Variants in CTSB observed in about 807,000 individuals in gnomAD.
CTSB encodes APP secretase.
CTSB carries 57 observed loss-of-function variants against 44.3 expected under a neutral mutation model. That is an observed-to-expected ratio of 1.29 (90% CI 1.04 to 1.60). The LOEUF (loss-of-function observed/expected upper bound fraction) is 1.60, where lower values mean the gene tolerates loss of function less well. Among genes scored for constraint, CTSB ranks in the 40% most tolerant of loss-of-function variants. The probability of loss-of-function intolerance (pLI) is 0.00; values close to 1 mark genes in which losing one functional copy is unlikely to be tolerated. For synonymous variants in CTSB, 320 were observed against 168.0 expected (o/e 1.91, Z -7.00); for missense variants, 768 against 443.0 (o/e 1.73, Z -6.59).
Position 11,850,873 on chromosome 8 carries a change from G to C in CTSB, c.320C>G (p.Ser107Cys), listed in dbSNP as rs1814461306. The C allele has an allele frequency of 4.3e-6, 7 of 1,611,750 alleles. No homozygotes were observed. Among genetic ancestry groups the C allele is most frequent in the Non-Finnish European group, 5.9e-6 (7 of 1,178,492 alleles). The change falls in exon 4 of 10, where the codon TCC (serine) becomes TGC (cysteine). Residue 107 changes from serine to cysteine, a missense_variant. By Grantham distance (112) the Ser-to-Cys change is moderately radical (BLOSUM62 -1). Transcript: ENST00000353047. ...KEIRDQGSCG[S>C]CWAFGAVEAI... ...CAGCCAGCAGGGCCTTACCCAGCAG[G>C]AGCCACAGGAGCCCTGGTCTCTGAT...
intron 1 of CTSB, among the ~76,000 whole-genome samples, chr8:11,866,959 A>C (rs1281983097): frequency 6.6e-6 from 1 of 152,186 alleles, no homozygotes; most frequent in Admixed American, 6.5e-5. Flanking sequence ...ATGTTTTTCC[A>C]GGCTACAAAA....
intron 1 of CTSB, among the ~76,000 whole-genome samples, chr8:11,859,169 T>A (rs1422722527): frequency 6.6e-6 from 1 of 152,008 alleles, no homozygotes; most frequent in Non-Finnish European, 1.5e-5. Flanking sequence ...TCATATCCTC[T>A]CTCTCCAAAC....
At chr8:11,864,725 G>A (rs556646626) in intron 1 of CTSB, among the ~76,000 whole-genome samples, 2 of 152,152 alleles carry the variant, frequency 1.3e-5, no homozygotes, top group Non-Finnish European at 2.9e-5. Flanking sequence ...GGGAGGCGAG[G>A]CGGGCAGATC....
At chr8:11,857,011 C>T (rs2150426451) in intron 1 of CTSB, among the ~76,000 whole-genome samples, 1 of 152,170 alleles carries the variant, frequency 6.6e-6, no homozygotes, top group Middle Eastern at 3.4e-3. Flanking sequence ...TCTTCCTTCC[C>T]ACCAATGAGG....
chr8:11,866,016 CAAAA>C (rs796618698), intron 1 of CTSB, among the ~76,000 whole-genome samples: 5 of 81,416 alleles, frequency 6.1e-5, no homozygotes, highest in Middle Eastern at 7.4e-3. Context: ...GAGTGTGTCT[CAAAA>C]AAAAAAAAAA....
At chr8:11,865,852 CA>C (rs371697545) in intron 1 of CTSB, among the ~76,000 whole-genome samples, 855 of 84,206 alleles carry the variant, frequency 0.01, 9 homozygotes, top group African/African-American at 0.031. Context: ...ACTAAAAATA[CA>C]AAAAAAAAAA....
intron 8 of CTSB, 89 bp from the exon 9 acceptor site, chr8:11,845,878 G>C: frequency 2.1e-6 from 3 of 1,443,460 alleles, no homozygotes; most frequent in Admixed American, 2.4e-5. Context: ...CATGCTCCGG[G>C]AAGGAGAAAC....
intron 1 of CTSB, among the ~76,000 whole-genome samples, chr8:11,854,342 G>C (rs1001549232): frequency 1.3e-5 from 2 of 152,210 alleles, no homozygotes; most frequent in Non-Finnish European, 2.9e-5. Flanking sequence ...CGTCATGAAA[G>C]TCACAGGACT....
At chr8:11,866,797 T>G (rs1817216056) in intron 1 of CTSB, among the ~76,000 whole-genome samples, 1 of 152,062 alleles carries the variant, frequency 6.6e-6, no homozygotes, top group Non-Finnish European at 1.5e-5. Context: ...GAGGCGGAAG[T>G]TGTAGTGAGC....
rs1017574142 is a variant in CTSB at position 11,847,788 on chromosome 8, G to C, written c.567C>G (p.His189Gln). Residue 189 changes from histidine (H) to glutamine (Q), a missense_variant, in exon 7 of 10, where the codon CAC becomes CAG. Physicochemically the swap from His to Gln is conservative, Grantham distance 24. Coordinates refer to ENST00000353047, the MANE Select transcript of CTSB (RefSeq NM_001908.5). ...CRPYSIPPCE[H>Q]HVNGSRPPCT... is the part of the protein sequence containing the mutation. ...ATGGGGGCCGGGAGCCGTTGACGTGGTGCTCACAGGGAGGGATGGAGTACG... is the reference window on the plus strand; with the variant it reads ...ATGGGGGCCGGGAGCCGTTGACGTGCTGCTCACAGGGAGGGATGGAGTACG... 1.3e-6 allele frequency: 2 copies of C among 1,599,134 alleles called. No homozygotes were observed. Among genetic ancestry groups the C allele is most frequent in the Non-Finnish European group, 8.5e-7 (1 of 1,175,906 alleles).
chr8:11,867,843 A>T (rs564178612), intron 1 of CTSB, 158 bp downstream of exon 1: 1 of 144,084 alleles, frequency 6.9e-6, no homozygotes, highest in South Asian at 2.5e-4. Flanking sequence ...CGTCAGGGAC[A>T]GTCCCGAGGG....
intron 4 of CTSB, among the ~76,000 whole-genome samples, chr8:11,850,228 G>A (rs1814292898): frequency 6.6e-6 from 1 of 152,048 alleles, no homozygotes; most frequent in African/African-American, 2.4e-5. Context: ...AGACCAGGCT[G>A]TCCAACATGG....
At position 11,844,703 on chromosome 8, in the gene CTSB, T is replaced by C. The variant is rs1812906187; in HGVS notation, c.*422A>G. 1 of 167,800 alleles carries C rather than the reference T, an allele frequency of 6.0e-6. No homozygotes were observed. Among genetic ancestry groups the C allele is most frequent in the Non-Finnish European group, 1.3e-5 (1 of 77,444 alleles). The allele number at this position is 167,800 out of a possible 1,614,324, so 10.4% of individuals were successfully genotyped here. On this transcript the variant is annotated 3_prime_UTR_variant, in exon 10 of 10. Transcript: ENST00000353047. ...AAAGGGCTCCCAACACCGTCTCTCC[T>C]CTGATTTCTGTGACAAATGTGGAAA... is the stretch of plus-strand genomic sequence containing the variant.
intron 4 of CTSB, chr8:11,849,858 G>A: frequency 6.6e-6 from 1 of 152,180 alleles, no homozygotes; most frequent in East Asian, 1.9e-4. Context: ...TGAGATTACA[G>A]GCGTGAGCTA....
At position 11,846,063 on chromosome 8, in the gene CTSB, C is replaced by G. The variant is rs1055767984; in HGVS notation, c.794-274G>C. 3 of 278,194 alleles carry G rather than the reference C, an allele frequency of 1.1e-5. No homozygotes were observed. The Admixed American group carries it at 1.6e-4, about 15-fold the overall frequency. The allele number at this position is 278,194 out of a possible 1,614,324, so 17.2% of individuals were successfully genotyped here. Reference sequence around the variant, plus strand: ...TTAAAAATAGAATTTCTAATACATTCTAATTGATAAAACATTTAATGCTAG... The same window carrying G: ...TTAAAAATAGAATTTCTAATACATTGTAATTGATAAAACATTTAATGCTAG... On this transcript the variant is annotated intron_variant, in intron 8 of 9. Transcript: ENST00000353047.
chr8:11,854,333 G>A (rs566974202), intron 1 of CTSB, among the ~76,000 whole-genome samples: 3 of 152,290 alleles, frequency 2.0e-5, no homozygotes, highest in South Asian at 2.1e-4. Flanking sequence ...GTCACAGGTC[G>A]TCATGAAAGT....
Position 11,845,056 on chromosome 8 carries a change from A to C in CTSB, c.*69T>G. The stretch of plus-strand genomic sequence containing the variant: ...TGTCTGAAACTTGTATCTTACGTGA[A>C]CTTAAAGAATAAAATGCATTTCTAC... On this transcript the variant is annotated 3_prime_UTR_variant, in exon 10 of 10. Coordinates refer to ENST00000353047, the MANE Select transcript of CTSB (RefSeq NM_001908.5). 1.9e-6 allele frequency: 2 copies of C among 1,055,784 alleles called. No homozygotes were observed. The highest frequency in any genetic ancestry group is 2.9e-6 in the Non-Finnish European group (2 of 680,008). The allele number at this position is 1,055,784 out of a possible 1,614,324, so 65.4% of individuals were successfully genotyped here. A position where few individuals can be genotyped will look rare whatever the true frequency, so the allele number is the denominator to read the frequency against.
rs375119873 is a variant in CTSB, at chr8:11,847,834, C to G, written c.533-12G>C. ...GTACGGTCTGCACCCTGATGGGACG[C>G]GGGAGAAAGCGGAGTCAACCTACAG... On this transcript the variant is annotated splice_polypyrimidine_tract_variant and intron_variant, in intron 6 of 9. Coordinates refer to ENST00000353047, the MANE Select transcript of CTSB (RefSeq NM_001908.5). 2.5e-6 allele frequency: 4 copies of G among 1,581,620 alleles called. No individual in the cohort carries two copies. The East Asian group carries it at 9.0e-5, about 35-fold the overall frequency.
intron 1 of CTSB, among the ~76,000 whole-genome samples, chr8:11,859,579 A>C (rs911754524): frequency 6.6e-6 from 1 of 150,762 alleles, no homozygotes; most frequent in Non-Finnish European, 1.5e-5. Flanking sequence ...TGTCTCTACT[A>C]AACAAGGTGA....
Sources: gnomAD v4.1 joint callset for allele counts (sites outside exome capture counted in the v4.1 genomes callset) on GRCh38, gnomAD v4.1.1 for gene constraint, MANE v1.5 for transcripts, NCBI Gene and HGNC (gene_info 2026-07-23, HGNC 2026-07-21) for gene names.